The following PDGFD variants were observed in gnomAD, a reference collection of about 807,000 sequenced individuals.
The protein encoded by PDGFD is platelet derived growth factor D.
PDGFD carries 30 observed loss-of-function variants against 44.7 expected under a neutral mutation model. The ratio of observed to expected loss-of-function variants is 0.67; its 90% CI spans 0.50 to 0.91. The LOEUF is 0.91. PDGFD is among the 40% of genes least tolerant of loss of function. The pLI is 0.00. For missense variants in PDGFD, 445 were observed against 457.8 expected, an observed-to-expected ratio of 0.97 and a Z score of 0.25; for synonymous variants, 173 against 168.4, an observed-to-expected ratio of 1.03 and a Z score of -0.21.
chr11:103,923,563 G>T (rs1350327092), intron 6 of PDGFD, among the ~76,000 whole-genome samples: 1 of 152,128 alleles, frequency 6.6e-6, no homozygotes, highest in Non-Finnish European at 1.5e-5. Flanking sequence ...TGGGGAAACT[G>T]GTTTCTCATT....
chr11:104,149,320 C>T (rs1231849568), intron 1 of PDGFD, among the ~76,000 whole-genome samples: 1 of 152,070 alleles, frequency 6.6e-6, no homozygotes, highest in Non-Finnish European at 1.5e-5. Flanking sequence ...ATTCCTGTGG[C>T]GTAATTCTGG....
intron 1 of PDGFD, among the ~76,000 whole-genome samples, chr11:104,036,099 A>T (rs1860227685): frequency 6.6e-6 from 1 of 152,202 alleles, no homozygotes; most frequent in East Asian, 1.9e-4. Flanking sequence ...AAGTACAAAG[A>T]ATACAACTCT....
At chr11:104,146,233 A>G (rs1032130546) in intron 1 of PDGFD, among the ~76,000 whole-genome samples, 1 of 152,238 alleles carries the variant, frequency 6.6e-6, no homozygotes, top group Non-Finnish European at 1.5e-5. Context: ...TTATGTAATT[A>G]CATTAACATG....
chr11:104,085,312 T>C (rs996344239), intron 1 of PDGFD, among the ~76,000 whole-genome samples: 1 of 152,168 alleles, frequency 6.6e-6, no homozygotes, highest in Non-Finnish European at 1.5e-5. Flanking sequence ...GAATGCTATA[T>C]TGTTATATAA....
intron 1 of PDGFD, chr11:104,038,691 T>C (rs1463581731): frequency 6.0e-6 from 1 of 167,096 alleles, no homozygotes; most frequent in Admixed American, 6.5e-5. Flanking sequence ...CTACATTAAT[T>C]TTCTATTTCT....
intron 1 of PDGFD, among the ~76,000 whole-genome samples, chr11:104,018,020 A>G (rs776826900): frequency 6.6e-6 from 1 of 152,162 alleles, no homozygotes; most frequent in Non-Finnish European, 1.5e-5. Flanking sequence ...GATAAATGGG[A>G]ATGGAGGAAG....
chr11:103,946,782 G>A (rs1858673625), intron 4 of PDGFD, among the ~76,000 whole-genome samples: 1 of 152,222 alleles, frequency 6.6e-6, no homozygotes, highest in African/African-American at 2.4e-5. Flanking sequence ...TTGATCAGAT[G>A]AGGTTCTAGT....
At chr11:103,911,091 C>A (rs1461993992) in intron 6 of PDGFD, among the ~76,000 whole-genome samples, 1 of 152,218 alleles carries the variant, frequency 6.6e-6, no homozygotes, top group Admixed American at 6.5e-5. Flanking sequence ...CAGTCAGGGA[C>A]TTATAGATAA....
chr11:104,040,819 T>C (rs1860336951), intron 1 of PDGFD, among the ~76,000 whole-genome samples: 1 of 152,064 alleles, frequency 6.6e-6, no homozygotes, highest in Admixed American at 6.5e-5. Context: ...TACATCATTA[T>C]ATAACTGAAA....
At chr11:104,049,127 T>C (rs1047438149) in intron 1 of PDGFD, among the ~76,000 whole-genome samples, 1 of 152,070 alleles carries the variant, frequency 6.6e-6, no homozygotes, top group Non-Finnish European at 1.5e-5. Context: ...AGCAAATAAA[T>C]AAATATATCA....
intron 1 of PDGFD, among the ~76,000 whole-genome samples, chr11:104,020,154 G>A (rs1173692058): frequency 1.3e-5 from 2 of 152,074 alleles, no homozygotes; most frequent in African/African-American, 2.4e-5. Context: ...GCTTCAGAGA[G>A]TAGAAGCAAC....
intron 5 of PDGFD, among the ~76,000 whole-genome samples, chr11:103,935,241 G>A (rs118041504): frequency 1.5e-3 from 235 of 152,282 alleles, no homozygotes; most frequent in Non-Finnish European, 2.5e-3. Context: ...GGACAACTGC[G>A]TCTAGGATGA....
chr11:104,041,477 A>T (rs568166011), intron 1 of PDGFD, among the ~76,000 whole-genome samples: 2 of 150,470 alleles, frequency 1.3e-5, no homozygotes, highest in South Asian at 4.1e-4. Context: ...TACTTTTGGA[A>T]ATTTACTACG....
At chr11:104,058,172 TAA>T (rs1860652483) in intron 1 of PDGFD, among the ~76,000 whole-genome samples, 1 of 152,164 alleles carries the variant, frequency 6.6e-6, no homozygotes, top group Non-Finnish European at 1.5e-5. Context: ...TCATTAAAAT[TAA>T]AAACTCTTGG....
intron 1 of PDGFD, chr11:104,037,100 G>A (rs370289815): frequency 8.1e-6 from 13 of 1,614,154 alleles, no homozygotes; most frequent in Middle Eastern, 1.6e-4. Context: ...AACCAGCCTC[G>A]TGTAGACTTC....
intron 1 of PDGFD, among the ~76,000 whole-genome samples, chr11:104,103,939 G>T (rs1168853628): frequency 6.6e-6 from 1 of 151,646 alleles, no homozygotes; most frequent in African/African-American, 2.4e-5. Context: ...GTCCTTCAAG[G>T]GGTATTCCAG....
intron 1 of PDGFD, among the ~76,000 whole-genome samples, chr11:104,117,152 A>G (rs1291049039): frequency 2.6e-5 from 4 of 152,056 alleles, no homozygotes; most frequent in Non-Finnish European, 5.9e-5. Flanking sequence ...CTCAATAGAC[A>G]GAGAAAAAGC....
At position 103,929,926 on chromosome 11, in the gene PDGFD, G is replaced by A. The variant is rs142677600; in HGVS notation, c.773-2800C>T. Among the ~76,000 whole-genome samples the A allele has an allele frequency of 1.1e-3, 162 of 152,154 alleles. 1 individual carries two copies. The highest frequency in any genetic ancestry group is 3.4e-3 in the African/African-American group (142 of 41,526). On this transcript the variant is annotated intron_variant, in intron 5 of 6. Coordinates refer to ENST00000393158, the MANE Select transcript of PDGFD (RefSeq NM_025208.5). ...GGAGACAGGCCAAGTGGTGTCAACC[G>A]AGAGAGAGGGGCTGCCCTTTCTGTT...
intron 3 of PDGFD, among the ~76,000 whole-genome samples, chr11:103,974,651 C>A (rs1277284821): frequency 6.6e-6 from 1 of 152,028 alleles, no homozygotes; most frequent in South Asian, 2.1e-4. Context: ...CTCACAGGCC[C>A]TGGTGTGTGA....
Sources: allele counts gnomAD v4.1 joint callset (sites outside exome capture counted in the v4.1 genomes callset), GRCh38; gene constraint gnomAD v4.1.1; transcripts MANE v1.5; gene names NCBI Gene and HGNC (gene_info 2026-07-23, HGNC 2026-07-21).